The following TARS2 variants were observed in gnomAD, a reference collection of about 807,000 sequenced individuals.
The protein encoded by TARS2 is threonine--tRNA ligase, mitochondrial.
TARS2 carries 61 observed loss-of-function variants against 94.4 expected under a neutral mutation model. That is an observed-to-expected ratio of 0.65 (90% CI 0.53 to 0.80). The LOEUF is 0.80. Ranked by LOEUF, TARS2 falls within the 30% of genes least tolerant of loss-of-function variation. The probability of loss-of-function intolerance (pLI) is 0.00; values close to 1 mark genes in which losing one functional copy is unlikely to be tolerated. For synonymous variants in TARS2, 359 were observed against 353.4 expected (o/e 1.02, Z -0.18); for missense variants, 704 against 902.5 (o/e 0.78, Z 2.82).
intron 7 of TARS2, among the ~76,000 whole-genome samples, chr1:150,494,575 A>G (rs1312215080): frequency 6.6e-6 from 1 of 152,110 alleles, no homozygotes; most frequent in East Asian, 1.9e-4. Context: ...CCTCGTCACT[A>G]CTAAAAATAA....
At position 150,507,122 on chromosome 1, in the gene TARS2, G is replaced by T; in HGVS notation, c.*58G>T. ...AGTGCCATCAGCCTCCCTCACATGGGAGACCCCAACCCAGCTGACAATGTG... is the reference window on the plus strand; with the variant it reads ...AGTGCCATCAGCCTCCCTCACATGGTAGACCCCAACCCAGCTGACAATGTG... On this transcript the variant is annotated 3_prime_UTR_variant, in exon 18 of 18. Transcript: ENST00000369064. The T allele has an allele frequency of 6.2e-7, 1 of 1,603,692 alleles. No homozygotes were observed. Among genetic ancestry groups the T allele is most frequent in the Non-Finnish European group, 8.5e-7 (1 of 1,174,140 alleles).
rs370545015 is a variant in TARS2 at position 150,498,583 on chromosome 1, A to T, written c.1320A>T (p.Glu440Asp). ...LADFGALHRA[E>D]ASGGLGGLTR... ...ACTTTGGGGCTCTACACCGGGCCGA[A>T]GCCTCTGGTGGTCTGGGGGGACTGA... is the stretch of plus-strand genomic sequence containing the variant. Residue 440 changes from glutamate to aspartate, a missense_variant, in exon 11 of 18, where the codon GAA becomes GAT. By Grantham distance (45) the Glu-to-Asp change is conservative (BLOSUM62 2). Coordinates refer to ENST00000369064, the MANE Select transcript of TARS2 (RefSeq NM_025150.5). 4 of 1,611,160 alleles carry T rather than the reference A, an allele frequency of 2.5e-6. No homozygotes were observed. In the African/African-American group the frequency reaches 5.4e-5, roughly 22 times the overall value.
At chr1:150,504,576 T>C (rs971778367) in intron 14 of TARS2, 56 bp from the exon 15 acceptor site, 19 of 1,593,338 alleles carry the variant, frequency 1.2e-5, no homozygotes, top group Non-Finnish European at 1.6e-5. Context: ...TGATCTTGGG[T>C]ACACAATTCG....
chr1:150,488,055 G>A lies in TARS2; in HGVS notation c.263+1G>A. On this transcript the variant is annotated splice_donor_variant, in intron 2 of 17. Transcript: ENST00000369064. LOFTEE classifies it high-confidence loss of function. ...CCTACCAACTAGCCCGGCAGATCAG[G>A]TAACAGGCCCATCCTGTAACTACCA... 1 of 1,613,702 alleles carries A rather than the reference G, an allele frequency of 6.2e-7. No individual in the cohort carries two copies. Among genetic ancestry groups the A allele is most frequent in the Non-Finnish European group, 8.5e-7 (1 of 1,179,792 alleles).
chr1:150,504,374 C>T lies in TARS2; in HGVS notation c.1657C>T (p.Gln553Ter), dbSNP rs370480653. The change falls in exon 14 of 18, where the codon CAG (glutamine) becomes TAG (stop). Residue 553 changes from glutamine (Q) to a stop codon, truncating the protein, a stop_gained. Transcript: ENST00000369064. LOFTEE classifies it high-confidence loss of function. ...CCACGATGCCCTGGGCCGGCCACAT[C>T]AGTGTGGGACAATTCAGCTTGACTT... ...HLHDALGRPH[Q>*]CGTIQLDFQL... 59 of 1,614,010 alleles carry T rather than the reference C, an allele frequency of 3.7e-5. No homozygotes were observed. Among genetic ancestry groups the T allele is most frequent in the Non-Finnish European group, 4.8e-5 (57 of 1,180,026 alleles).
At chr1:150,490,803 A>G in intron 4 of TARS2, 78 bp downstream of exon 4, 1 of 1,592,730 alleles carries the variant, frequency 6.3e-7, no homozygotes, top group Non-Finnish European at 8.5e-7. Flanking sequence ...GGCATGCTCC[A>G]TTTGGATGAG....
rs751422784 is a variant in TARS2 at position 150,507,093 on chromosome 1, T to C, written c.*29T>C. 14 of 1,611,504 alleles carry C rather than the reference T, an allele frequency of 8.7e-6. No individual in the cohort carries two copies. In the Admixed American group the frequency reaches 2.2e-4, roughly 25 times the overall value. On this transcript the variant is annotated 3_prime_UTR_variant, in exon 18 of 18. Transcript: ENST00000369064. ...TTTGTACATAGATGAGGCAAAAACC[T>C]GCGAGTGCCATCAGCCTCCCTCACA...
chr1:150,505,021 A>G, intron 16 of TARS2, 43 bp downstream of exon 16: 1 of 1,604,690 alleles, frequency 6.2e-7, no homozygotes, highest in Non-Finnish European at 8.5e-7. Context: ...CAGGTCCAGT[A>G]GAGAGTCTGG....
intron 7 of TARS2, 71 bp downstream of exon 7, chr1:150,492,560 C>T (rs1570839493): frequency 1.3e-6 from 2 of 1,537,104 alleles, no homozygotes; most frequent in Non-Finnish European, 9.0e-7. Context: ...GCTTGTAATC[C>T]CAGCACTTTG....
In TARS2 at chr1:150,499,013, C is replaced by T. The variant is rs1163661043; in HGVS notation, c.1518C>T (p.Cys506=). Residue 506 remains cysteine, a synonymous_variant, in exon 12 of 18, where the codon TGC becomes TGT. Coordinates refer to ENST00000369064, the MANE Select transcript of TARS2 (RefSeq NM_025150.5). ...TRPSGFLGDP[C]LWDQAEQVLK... ...CATCTGGCTTCCTGGGGGACCCTTGCCTTTGGGACCAGGCCGAACAGGTGA... is the reference window on the plus strand; with the variant it reads ...CATCTGGCTTCCTGGGGGACCCTTGTCTTTGGGACCAGGCCGAACAGGTGA... 1.2e-6 allele frequency: 2 copies of T among 1,614,112 alleles called. No homozygotes were observed. The highest frequency in any genetic ancestry group is 2.2e-5 in the South Asian group (2 of 91,080).
chr1:150,495,107 G>A (rs960332714), intron 7 of TARS2, among the ~76,000 whole-genome samples: 4 of 151,306 alleles, frequency 2.6e-5, no homozygotes, highest in Non-Finnish European at 4.4e-5. Flanking sequence ...TGAACCCTGG[G>A]GGGTGGAGCC....
At chr1:150,498,360 G>C (rs1560252507) in intron 10 of TARS2, 142 bp from the exon 11 acceptor site, 1 of 985,136 alleles carries the variant, frequency 1.0e-6, no homozygotes, top group Non-Finnish European at 1.4e-6. Context: ...GGGATTGACA[G>C]GACTCAGTGG....
chr1:150,506,869 A>G (rs1274642653), intron 17 of TARS2, 47 bp from the exon 18 acceptor site: 1 of 1,611,404 alleles, frequency 6.2e-7, no homozygotes, highest in Admixed American at 1.7e-5. Context: ...AAACTGTTCC[A>G]TGTGGGTGAA....
intron 13 of TARS2, among the ~76,000 whole-genome samples, chr1:150,502,242 G>T (rs902138794): frequency 1.3e-5 from 2 of 148,918 alleles, no homozygotes; most frequent in South Asian, 4.3e-4. Flanking sequence ...TTTTTTCCCC[G>T]AGACAGACTC....
intron 2 of TARS2, 154 bp downstream of exon 2, chr1:150,488,208 G>C (rs1043334475): frequency 1.1e-6 from 1 of 902,260 alleles, no homozygotes; most frequent in African/African-American, 1.7e-5. Flanking sequence ...TTTTGTTGTT[G>C]TTCTTTTATA....
chr1:150,490,535 A>T, intron 3 of TARS2, 66 bp from the exon 4 acceptor site: 1 of 1,537,160 alleles, frequency 6.5e-7, no homozygotes, highest in Non-Finnish European at 8.7e-7. Flanking sequence ...TGTGAGGAAG[A>T]GCTCAGAGAT....
chr1:150,502,246 C>CA (rs1251601931), intron 13 of TARS2, among the ~76,000 whole-genome samples: 1 of 150,986 alleles, frequency 6.6e-6, no homozygotes, highest in Non-Finnish European at 1.5e-5. Flanking sequence ...TTCCCCGAGA[C>CA]AGACTCTTGC....
intron 13 of TARS2, among the ~76,000 whole-genome samples, chr1:150,501,278 A>G (rs140668382): frequency 2.6e-3 from 386 of 149,534 alleles, no homozygotes; most frequent in African/African-American, 8.9e-3. Flanking sequence ...GCATCATAAT[A>G]AGACCTCGTC....
intron 2 of TARS2, 82 bp downstream of exon 2, chr1:150,488,136 G>T (rs997140526): frequency 2.0e-5 from 30 of 1,488,218 alleles, no homozygotes; most frequent in Non-Finnish European, 2.6e-5. Context: ...AAGAAAACTT[G>T]GTCTGCTTGT....
Sources: allele counts gnomAD v4.1 joint callset (sites outside exome capture counted in the v4.1 genomes callset), GRCh38; gene constraint gnomAD v4.1.1; transcripts MANE v1.5; gene names NCBI Gene and HGNC (gene_info 2026-07-23, HGNC 2026-07-21).